The following PACS1 variants were observed in gnomAD, a reference collection of about 807,000 sequenced individuals.
The protein encoded by PACS1 is PACS-1.
Under a neutral mutation model 115.0 loss-of-function variants are expected in PACS1, and 24 were observed. The ratio of observed to expected loss-of-function variants is 0.21; its 90% CI spans 0.15 to 0.29. The LOEUF (loss-of-function observed/expected upper bound fraction) is 0.29, where lower values mean the gene tolerates loss of function less well. PACS1 is among the 10% of genes least tolerant of loss of function. The pLI, the probability that PACS1 is intolerant of heterozygous loss-of-function variation, is 1.00. For missense variants in PACS1, 838 were observed against 1,251.2 expected (o/e 0.67, Z 4.98); for synonymous variants, 453 against 504.5 (o/e 0.90, Z 1.37).
chr11:66,173,604 G>A (rs1360606462), intron 1 of PACS1, among the ~76,000 whole-genome samples: 1 of 152,036 alleles, frequency 6.6e-6, no homozygotes, highest in East Asian at 1.9e-4. Flanking sequence ...CAGCTACTTG[G>A]GAGGCTGAGG....
intron 1 of PACS1, among the ~76,000 whole-genome samples, chr11:66,118,101 C>T (rs17147347): frequency 0.026 from 4,031 of 152,238 alleles, 171 homozygotes; most frequent in African/African-American, 0.091. Flanking sequence ...TATTCATCTA[C>T]GTTAGTCTAA....
chr11:66,109,161 C>T (rs955492021), intron 1 of PACS1, among the ~76,000 whole-genome samples: 1 of 152,288 alleles, frequency 6.6e-6, no homozygotes. Context: ...ATGCCAGCTG[C>T]AGGGGATATC....
rs1440535893 is a variant in PACS1, at chr11:66,070,891, C to T, written c.356+49C>T. 4 of 1,389,906 alleles carry T rather than the reference C, an allele frequency of 2.9e-6. No individual in the cohort carries two copies. Among genetic ancestry groups the T allele is most frequent in the Non-Finnish European group, 3.7e-6 (4 of 1,081,204 alleles). 86.1% of individuals were successfully genotyped at this position (1,389,906 alleles called of 1,614,324 possible). ...GGCGCCGGGGGAGCGGGGTGGCCGC[C>T]GGGGCCCAGCCCTCCCCGCCCCAGC... On this transcript the variant is annotated intron_variant, in intron 1 of 23. Coordinates refer to ENST00000320580, the MANE Select transcript of PACS1 (RefSeq NM_018026.4). This position sits in a 1 kb window ranked among gnomAD's most constrained non-coding sequence, Gnocchi z 5.9.
At chr11:66,239,345 A>G in intron 21 of PACS1, 68 bp downstream of exon 21, 2 of 1,550,892 alleles carry the variant, frequency 1.3e-6, no homozygotes, top group Non-Finnish European at 8.7e-7. Context: ...TTCCAGTGAC[A>G]GGCGCATGGG....
At chr11:66,238,999 G>A (rs1479520435) in intron 20 of PACS1, 143 bp from the exon 21 acceptor site, 2 of 1,394,348 alleles carry the variant, frequency 1.4e-6, no homozygotes, top group East Asian at 4.8e-5. Context: ...CCCTGCTGCG[G>A]TGGTGGCTGG....
intron 1 of PACS1, among the ~76,000 whole-genome samples, chr11:66,120,475 G>T (rs895994912): frequency 6.6e-6 from 1 of 152,156 alleles, no homozygotes; most frequent in Non-Finnish European, 1.5e-5. Context: ...TAATGAAAGA[G>T]ATATGACGTT....
chr11:66,077,447 G>C (rs1040503871), intron 1 of PACS1, among the ~76,000 whole-genome samples: 1 of 152,122 alleles, frequency 6.6e-6, no homozygotes, highest in Non-Finnish European at 1.5e-5. Context: ...TGTGGTCCCA[G>C]CTACTCAGGA....
chr11:66,131,725 C>G (rs959329614), intron 1 of PACS1, among the ~76,000 whole-genome samples: 5 of 151,484 alleles, frequency 3.3e-5, no homozygotes, highest in African/African-American at 1.2e-4. Flanking sequence ...GCCAGGAGTT[C>G]GAGACCAGCC....
chr11:66,127,899 C>T (rs1858616652), intron 1 of PACS1, among the ~76,000 whole-genome samples: 1 of 152,192 alleles, frequency 6.6e-6, no homozygotes, highest in Non-Finnish European at 1.5e-5. Context: ...TGTGAAGCAG[C>T]CTTGCTGCTA....
chr11:66,160,655 C>A, intron 1 of PACS1, among the ~76,000 whole-genome samples: 1 of 147,068 alleles, frequency 6.8e-6, no homozygotes, highest in Non-Finnish European at 1.5e-5. Context: ...TGCCACCATG[C>A]CTGGCTGATT....
intron 1 of PACS1, among the ~76,000 whole-genome samples, chr11:66,073,916 CTTT>C (rs34145797): frequency 2.2e-4 from 17 of 76,918 alleles, no homozygotes; most frequent in Non-Finnish European, 4.1e-4. Context: ...TCACACCTGG[CTTT>C]TTTTTTTTTT....
chr11:66,209,222 A>G (rs1855015796), intron 2 of PACS1, among the ~76,000 whole-genome samples: 1 of 152,078 alleles, frequency 6.6e-6, no homozygotes, highest in African/African-American at 2.4e-5. Context: ...GCATCCAAGA[A>G]GAGAAGAAAA....
intron 1 of PACS1, among the ~76,000 whole-genome samples, chr11:66,183,706 C>T (rs1860055067): frequency 6.6e-6 from 1 of 152,190 alleles, no homozygotes; most frequent in Non-Finnish European, 1.5e-5. Context: ...ATTGAGGTGG[C>T]AGTGTTACAG....
chr11:66,184,343 TGAGAG>T (rs1860073275), intron 1 of PACS1, among the ~76,000 whole-genome samples: 2 of 143,706 alleles, frequency 1.4e-5, no homozygotes, highest in South Asian at 2.2e-4. Context: ...AAAAAAGAGA[TGAGAG>T]GGGAATGGAA....
At chr11:66,213,512 G>A (rs1855125939) in intron 4 of PACS1, among the ~76,000 whole-genome samples, 1 of 152,192 alleles carries the variant, frequency 6.6e-6, no homozygotes, top group African/African-American at 2.4e-5. Flanking sequence ...TACCAGGAGT[G>A]CCCATGTCCC....
At chr11:66,078,232 AG>A (rs1857427381) in intron 1 of PACS1, among the ~76,000 whole-genome samples, 3 of 152,340 alleles carry the variant, frequency 2.0e-5, no homozygotes, top group African/African-American at 7.2e-5. Flanking sequence ...AACACTTTTT[AG>A]AACTGTATGC....
Position 66,220,621 on chromosome 11 carries a change from T to C in PACS1, c.1039-10T>C. On this transcript the variant is annotated splice_polypyrimidine_tract_variant and intron_variant, in intron 8 of 23. Coordinates refer to ENST00000320580, the MANE Select transcript of PACS1 (RefSeq NM_018026.4). ...TGACCCTAAATTCAGAGACTCCTTTTTCCCTGCAGGTGGGCTTTGGGCTGG... is the reference window on the plus strand; with the variant it reads ...TGACCCTAAATTCAGAGACTCCTTTCTCCCTGCAGGTGGGCTTTGGGCTGG... 1 of 1,614,114 alleles carries C rather than the reference T, an allele frequency of 6.2e-7. No individual in the cohort carries two copies. Among genetic ancestry groups the C allele is most frequent in the Non-Finnish European group, 8.5e-7 (1 of 1,179,976 alleles).
At chr11:66,173,338 T>C (rs1859782904) in intron 1 of PACS1, among the ~76,000 whole-genome samples, 1 of 152,244 alleles carries the variant, frequency 6.6e-6, no homozygotes, top group South Asian at 2.1e-4. Context: ...AGACATTTTT[T>C]ATTTTCTTCT....
intron 1 of PACS1, among the ~76,000 whole-genome samples, chr11:66,086,702 G>T (rs942124247): frequency 2.0e-5 from 3 of 151,974 alleles, no homozygotes; most frequent in Non-Finnish European, 1.5e-5. Context: ...GGCAACCTCC[G>T]CCTCCCAGGC....
Sources: allele counts gnomAD v4.1 joint callset (sites outside exome capture counted in the v4.1 genomes callset), GRCh38; gene constraint gnomAD v4.1.1; non-coding constraint Gnocchi (gnomAD v3.1); transcripts MANE v1.5; gene names NCBI Gene and HGNC (gene_info 2026-07-23, HGNC 2026-07-21).